Variants in CASQ2 observed in about 807,000 individuals in gnomAD.
The protein encoded by CASQ2 is calsequestrin-2.
In CASQ2, 49 loss-of-function variants were observed where a neutral mutation model predicts 46.5. The ratio of observed to expected loss-of-function variants is 1.05; its 90% CI spans 0.84 to 1.34. The LOEUF is 1.34. CASQ2 is among the 40% of genes most tolerant of loss of function. CASQ2 has a pLI of 0.00. For missense variants in CASQ2, 486 were observed against 481.3 expected (o/e 1.01, Z -0.09); for synonymous variants, 174 against 168.5 (o/e 1.03, Z -0.25).
chr1:115,765,118 C>A lies in CASQ2; in HGVS notation c.234+3190G>T, dbSNP rs540110130. On this transcript the variant is annotated intron_variant, in intron 1 of 10. Transcript: ENST00000261448. ...TCTTTCCTCTACTCTCCCTGATAAACTTCTAAGTTGCTGTGTTGTTACAGC... is the reference window on the plus strand; with the variant it reads ...TCTTTCCTCTACTCTCCCTGATAAAATTCTAAGTTGCTGTGTTGTTACAGC... Among the ~76,000 whole-genome samples, 4 of 152,286 alleles carry A rather than the reference C, an allele frequency of 2.6e-5. No homozygotes were observed. The East Asian group carries it at 5.8e-4, about 22-fold the overall frequency.
intron 8 of CASQ2, among the ~76,000 whole-genome samples, chr1:115,705,908 A>G (rs1654344888): frequency 6.6e-6 from 1 of 152,080 alleles, no homozygotes; most frequent in South Asian, 2.1e-4. Flanking sequence ...ATTCCTAAGA[A>G]AAGCAGAGAG....
chr1:115,758,682 C>T (rs2101117866), intron 1 of CASQ2, among the ~76,000 whole-genome samples: 1 of 152,300 alleles, frequency 6.6e-6, no homozygotes, highest in South Asian at 2.1e-4. Context: ...GCTAGAGTTC[C>T]TCTGAGAGTT....
chr1:115,753,621 G>A (rs115144379), intron 1 of CASQ2, among the ~76,000 whole-genome samples: 4,489 of 152,270 alleles, frequency 0.029, 84 homozygotes, highest in Non-Finnish European at 0.042. Context: ...CGTGACTGCC[G>A]CTGGGGCTCC....
At position 115,740,899 on chromosome 1, in the gene CASQ2, C is replaced by G. The variant is rs1026102957; in HGVS notation, c.320-71G>C. The G allele has an allele frequency of 2.5e-5, 27 of 1,074,450 alleles. No individual in the cohort carries two copies. In the African/African-American group the frequency reaches 3.4e-4, roughly 14 times the overall value. The allele number at this position is 1,074,450 out of a possible 1,614,324, so 66.6% of individuals were successfully genotyped here. ...GAAGAGTGATTGTATTGGCTGAGGT[C>G]TGGCTGAGGGTTTCTGGGTGACAGT... On this transcript the variant is annotated intron_variant, in intron 2 of 10. Coordinates refer to ENST00000261448, the MANE Select transcript of CASQ2 (RefSeq NM_001232.4).
At chr1:115,756,595 C>T (rs1177817812) in intron 1 of CASQ2, among the ~76,000 whole-genome samples, 1 of 152,138 alleles carries the variant, frequency 6.6e-6, no homozygotes, top group Non-Finnish European at 1.5e-5. Context: ...CATAATAGCC[C>T]TTATAATATT....
At chr1:115,712,725 C>A (rs1245024793) in intron 8 of CASQ2, among the ~76,000 whole-genome samples, 1 of 151,664 alleles carries the variant, frequency 6.6e-6, no homozygotes, top group African/African-American at 2.4e-5. Context: ...GTGTGGTGGC[C>A]CATGCCTCTA....
intron 8 of CASQ2, among the ~76,000 whole-genome samples, chr1:115,715,656 A>G (rs951171801): frequency 5.3e-5 from 8 of 152,336 alleles, no homozygotes; most frequent in African/African-American, 1.9e-4. Flanking sequence ...AACCACTGGA[A>G]TCTTCACTTT....
At chr1:115,756,864 T>G (rs1337716986) in intron 1 of CASQ2, among the ~76,000 whole-genome samples, 2 of 152,132 alleles carry the variant, frequency 1.3e-5, no homozygotes, top group Non-Finnish European at 2.9e-5. Context: ...GAAGAATCGC[T>G]TGAACCCGGG....
At chr1:115,717,328 C>T (rs1178051373) in intron 8 of CASQ2, among the ~76,000 whole-genome samples, 4 of 152,298 alleles carry the variant, frequency 2.6e-5, no homozygotes, top group Middle Eastern at 3.4e-3. Context: ...CTACTGACAT[C>T]AGCTGGTCTA....
intron 1 of CASQ2, among the ~76,000 whole-genome samples, chr1:115,749,059 A>C (rs977666873): frequency 5.4e-4 from 83 of 152,340 alleles, no homozygotes; most frequent in African/African-American, 2.0e-3. Context: ...TCTGAAAAAC[A>C]CTGCTATAAA....
chr1:115,724,700 G>C (rs1647513319), intron 7 of CASQ2, among the ~76,000 whole-genome samples: 1 of 152,156 alleles, frequency 6.6e-6, no homozygotes, highest in Non-Finnish European at 1.5e-5. Context: ...CTGCTTGCCA[G>C]TGCCTTCAGT....
chr1:115,702,279 T>C (rs1654227219), intron 10 of CASQ2, among the ~76,000 whole-genome samples: 1 of 152,188 alleles, frequency 6.6e-6, no homozygotes, highest in South Asian at 2.1e-4. Context: ...TAATCCTCTG[T>C]GATCATCCCT....
At chr1:115,718,954 G>T (rs765980382) in intron 7 of CASQ2, among the ~76,000 whole-genome samples, 1 of 152,114 alleles carries the variant, frequency 6.6e-6, no homozygotes, top group Non-Finnish European at 1.5e-5. Context: ...GTGATGATGA[G>T]ACATGGGGAG....
In CASQ2 at chr1:115,725,556, GGAAAAAAA is replaced by G; in HGVS notation, c.738-11_738-4del. The G allele has an allele frequency of 8.8e-7, 1 of 1,139,560 alleles. No homozygotes were observed. Among genetic ancestry groups the G allele is most frequent in the Admixed American group, 2.5e-5 (1 of 39,576 alleles). 70.6% of individuals were successfully genotyped at this position (1,139,560 alleles called of 1,614,324 possible). On this transcript the variant is annotated splice_region_variant and splice_polypyrimidine_tract_variant and intron_variant, in intron 6 of 10. Transcript: ENST00000261448. ...GGCGCAGGCGACGTAGAGTGGGTCT[GGAAAAAAA>G]AAAAAAAAAAAAAAAAGAAAGAGCT... is the stretch of plus-strand genomic sequence containing the variant.
intron 1 of CASQ2, among the ~76,000 whole-genome samples, chr1:115,750,021 A>G (rs75104616): frequency 5.8e-4 from 89 of 152,314 alleles, no homozygotes; most frequent in African/African-American, 2.1e-3. Flanking sequence ...TCTTTCCTCC[A>G]TAAGAAGAAG....
intron 8 of CASQ2, among the ~76,000 whole-genome samples, chr1:115,711,458 G>C (rs1474808412): frequency 7.9e-5 from 12 of 152,158 alleles, no homozygotes; most frequent in Admixed American, 7.9e-4. Context: ...CAGGCATGTT[G>C]ATATAACGAG....
chr1:115,763,502 C>T (rs1649030312), intron 1 of CASQ2, among the ~76,000 whole-genome samples: 1 of 152,130 alleles, frequency 6.6e-6, no homozygotes, highest in Non-Finnish European at 1.5e-5. Context: ...TTTCCAGTAC[C>T]CAGCTCCCAA....
Position 115,705,147 on chromosome 1 carries a change from G to A in CASQ2, c.939+45C>T, listed in dbSNP as rs750160388. On this transcript the variant is annotated intron_variant, in intron 9 of 10. Transcript: ENST00000261448. The stretch of plus-strand genomic sequence containing the variant: ...CTCAGATGCTGAACGCAATCATGAG[G>A]TTGTGACAGCAACTGAGGGTGGGGC... The A allele has an allele frequency of 3.3e-6, 4 of 1,200,876 alleles. No individual in the cohort carries two copies. The South Asian group carries it at 3.6e-5, about 11-fold the overall frequency. The allele number at this position is 1,200,876 out of a possible 1,614,324, so 74.4% of individuals were successfully genotyped here.
intron 8 of CASQ2, among the ~76,000 whole-genome samples, chr1:115,717,169 T>C (rs1332044500): frequency 6.6e-6 from 1 of 152,216 alleles, no homozygotes; most frequent in East Asian, 1.9e-4. Context: ...CCCTGTTTCC[T>C]GTACAACCTG....
Sources: allele counts gnomAD v4.1 joint callset (sites outside exome capture counted in the v4.1 genomes callset), GRCh38; gene constraint gnomAD v4.1.1; transcripts MANE v1.5; gene names NCBI Gene and HGNC (gene_info 2026-07-23, HGNC 2026-07-21).